The following NEGR1 variants were observed in gnomAD, a reference collection of about 807,000 sequenced individuals.
NEGR1 encodes the protein IgLON family member 4.
In NEGR1, 10 loss-of-function variants were observed where a neutral mutation model predicts 40.9. The observed-to-expected ratio is 0.24, with a 90% CI of 0.15 to 0.42. NEGR1 has a LOEUF of 0.42. Among genes scored for constraint, NEGR1 ranks in the 10% least tolerant of loss-of-function variants. The pLI, the probability that NEGR1 is intolerant of heterozygous loss-of-function variation, is 1.00. For synonymous variants in NEGR1, 185 were observed against 166.8 expected (o/e 1.11, Z -0.84); for missense variants, 352 against 438.9 (o/e 0.80, Z 1.77).
chr1:71,611,642 T>C (rs1005935253), intron 4 of NEGR1, among the ~76,000 whole-genome samples: 2 of 152,248 alleles, frequency 1.3e-5, no homozygotes, highest in Non-Finnish European at 2.9e-5. Context: ...GCTACTTAGT[T>C]GCAGAATTTG....
At chr1:71,870,778 G>A (rs919467280) in intron 2 of NEGR1, among the ~76,000 whole-genome samples, 4 of 152,108 alleles carry the variant, frequency 2.6e-5, no homozygotes, top group Non-Finnish European at 5.9e-5. Context: ...TCAAATCTGT[G>A]TGCTCAAATT....
At chr1:71,759,596 C>CTTTTTTTTTTTTTTTTTTTTT (rs71074804) in intron 3 of NEGR1, among the ~76,000 whole-genome samples, 1 of 31,964 alleles carries the variant, frequency 3.1e-5, no homozygotes, top group Non-Finnish European at 6.3e-5. Context: ...TGCGTCCAGG[C>CTTTTTTTTTTTTTTTTTTTTT]TTTTTTTTTT....
intron 1 of NEGR1, among the ~76,000 whole-genome samples, chr1:72,245,966 T>TA (rs1253547144): frequency 6.6e-6 from 1 of 152,152 alleles, no homozygotes; most frequent in Non-Finnish European, 1.5e-5. Context: ...ATACAACATT[T>TA]AAAAAATATC....
At chr1:72,281,353 A>T (rs753061426) in intron 1 of NEGR1, among the ~76,000 whole-genome samples, 17 of 152,294 alleles carry the variant, frequency 1.1e-4, no homozygotes, top group Admixed American at 2.0e-4. Flanking sequence ...AGTGAGAGAC[A>T]ATCTGAATGT....
intron 1 of NEGR1, among the ~76,000 whole-genome samples, chr1:72,190,271 T>C (rs894053041): frequency 2.0e-5 from 3 of 151,624 alleles, no homozygotes; most frequent in Admixed American, 1.3e-4. Context: ...CAGTTATTTG[T>C]ATTTGTATGT....
intron 2 of NEGR1, among the ~76,000 whole-genome samples, chr1:71,904,877 C>T (rs1390476055): frequency 9.9e-5 from 15 of 152,124 alleles, no homozygotes. Context: ...GATTTTAATA[C>T]ATTCAATATC....
chr1:71,703,577 T>C (rs1042581530), intron 3 of NEGR1, among the ~76,000 whole-genome samples: 2 of 148,378 alleles, frequency 1.3e-5, no homozygotes, highest in Admixed American at 1.3e-4. Flanking sequence ...ATAAATATAA[T>C]GAAGAAACAA....
chr1:71,684,785 C>T (rs1248857121), intron 4 of NEGR1, among the ~76,000 whole-genome samples: 2 of 152,094 alleles, frequency 1.3e-5, no homozygotes, highest in East Asian at 1.9e-4. Flanking sequence ...TCCATTCTCC[C>T]GGTAATATGG....
intron 2 of NEGR1, among the ~76,000 whole-genome samples, chr1:71,898,601 C>T (rs572995719): frequency 2.0e-5 from 3 of 151,754 alleles, no homozygotes; most frequent in East Asian, 1.9e-4. Context: ...GGCGACAGAG[C>T]GAGACTCCGT....
chr1:72,230,763 G>A (rs980532399), intron 1 of NEGR1, among the ~76,000 whole-genome samples: 2 of 152,020 alleles, frequency 1.3e-5, no homozygotes, highest in Non-Finnish European at 2.9e-5. Flanking sequence ...CCAACATCCT[G>A]TCAACCAAAA....
At chr1:71,774,518 C>T (rs553610275) in intron 3 of NEGR1, among the ~76,000 whole-genome samples, 1 of 152,102 alleles carries the variant, frequency 6.6e-6, no homozygotes, top group Non-Finnish European at 1.5e-5. Context: ...TGATTAGACA[C>T]ACTGCATAAA....
At chr1:71,942,296 A>G (rs1645966442) in intron 1 of NEGR1, among the ~76,000 whole-genome samples, 1 of 150,094 alleles carries the variant, frequency 6.7e-6, no homozygotes, top group Non-Finnish European at 1.5e-5. Flanking sequence ...AGATGGGAAA[A>G]AAAACTGAAA....
chr1:71,803,971 C>A (rs972932762), intron 2 of NEGR1, among the ~76,000 whole-genome samples: 1 of 151,588 alleles, frequency 6.6e-6, no homozygotes, highest in Non-Finnish European at 1.5e-5. Context: ...GAATAATGAC[C>A]TTCATATTTG....
chr1:71,850,179 G>A (rs572594459), intron 2 of NEGR1, among the ~76,000 whole-genome samples: 5 of 151,798 alleles, frequency 3.3e-5, no homozygotes, highest in Non-Finnish European at 7.4e-5. Flanking sequence ...GTTTTGAGAT[G>A]AGTTTTTGCT....
intron 1 of NEGR1, among the ~76,000 whole-genome samples, chr1:71,943,089 CACAT>C (rs1218671342): frequency 2.8e-5 from 4 of 143,532 alleles, no homozygotes; most frequent in Non-Finnish European, 6.1e-5. Context: ...TATATATACA[CACAT>C]ACATATATAT....
chr1:71,615,304 C>T (rs1196475643), intron 4 of NEGR1, among the ~76,000 whole-genome samples: 1 of 151,896 alleles, frequency 6.6e-6, no homozygotes, highest in East Asian at 1.9e-4. Context: ...AAAAATATTC[C>T]TGGCCTCATA....
intron 1 of NEGR1, among the ~76,000 whole-genome samples, chr1:72,061,186 C>A (rs1351173437): frequency 6.6e-6 from 1 of 151,574 alleles, no homozygotes; most frequent in Non-Finnish European, 1.5e-5. Flanking sequence ...AAGATAATAA[C>A]CTCTGTTTTC....
chr1:71,556,565 G>A (rs763206075), intron 6 of NEGR1, among the ~76,000 whole-genome samples: 1 of 151,310 alleles, frequency 6.6e-6, no homozygotes, highest in Non-Finnish European at 1.5e-5. Context: ...ATCCATCAAA[G>A]TGCAATAATT....
chr1:71,722,135 C>T (rs967749164), intron 3 of NEGR1, among the ~76,000 whole-genome samples: 2 of 152,082 alleles, frequency 1.3e-5, no homozygotes, highest in African/African-American at 4.8e-5. Context: ...TCTGGCTTCT[C>T]TCTGGAGAAT....
Sources: allele counts gnomAD v4.1 joint callset (sites outside exome capture counted in the v4.1 genomes callset), GRCh38; gene constraint gnomAD v4.1.1; transcripts MANE v1.5; gene names NCBI Gene and HGNC (gene_info 2026-07-23, HGNC 2026-07-21).